The following PTCHD4 variants were observed in gnomAD, a reference collection of about 807,000 sequenced individuals.
PTCHD4 encodes patched domain-containing protein 4.
PTCHD4 carries 33 observed loss-of-function variants against 58.1 expected under a neutral mutation model. That is an observed-to-expected ratio of 0.57 (90% CI 0.43 to 0.76). The LOEUF is 0.76. PTCHD4 is among the 30% of genes least tolerant of loss of function. The pLI is 0.00. For missense variants in PTCHD4, 1,058 were observed against 1,027.1 expected, an observed-to-expected ratio of 1.03 and a Z score of -0.41; for synonymous variants, 478 against 409.6, an observed-to-expected ratio of 1.17 and a Z score of -2.02.
In PTCHD4 at chr6:47,876,373, C is replaced by A. The variant is rs1021110403; in HGVS notation, c.*1930G>T. Among the ~76,000 whole-genome samples the A allele has an allele frequency of 2.0e-5, 3 of 151,938 alleles. No individual in the cohort carries two copies. The highest frequency in any genetic ancestry group is 2.9e-5 in the Non-Finnish European group (2 of 67,950). ...ATTTCCTGTTGAAACCCAATTACCT[C>A]AAGGTAAAACAAAACAAACTCCATT... On this transcript the variant is annotated 3_prime_UTR_variant, in exon 5 of 5. Transcript: ENST00000339488.
chr6:47,892,574 A>C (rs1464030746), intron 4 of PTCHD4, among the ~76,000 whole-genome samples: 1 of 152,222 alleles, frequency 6.6e-6, no homozygotes, highest in Non-Finnish European at 1.5e-5. Flanking sequence ...ATGGATGCTG[A>C]CTTAGGATTT....
rs564839705 is a variant in PTCHD4, at chr6:48,046,581, T to G, written c.417+21649A>C. Among the ~76,000 whole-genome samples, 82 of 152,022 alleles carry G rather than the reference T, an allele frequency of 5.4e-4. 1 individual carries two copies. Among genetic ancestry groups the G allele is most frequent in the Admixed American group, 2.0e-3 (30 of 15,232 alleles). The stretch of plus-strand genomic sequence containing the variant: ...TCCATGGACCCTTATTTTAAACTTC[T>G]TCAGCAATTTCAGTTTTTATTCTAT... On this transcript the variant is annotated intron_variant, in intron 3 of 4. Transcript: ENST00000339488.
chr6:48,032,919 G>A (rs898803044), intron 3 of PTCHD4, among the ~76,000 whole-genome samples: 1 of 152,016 alleles, frequency 6.6e-6, no homozygotes, highest in African/African-American at 2.4e-5. Flanking sequence ...CTTGAAGGTG[G>A]AATCGGTGTT....
intron 4 of PTCHD4, among the ~76,000 whole-genome samples, 155 bp downstream of exon 4, chr6:48,008,479 T>C (rs1425002547): frequency 1.3e-5 from 2 of 152,150 alleles, no homozygotes; most frequent in Non-Finnish European, 2.9e-5. Context: ...AAAGGCCCAA[T>C]AAGGTGAAAC....
chr6:47,998,653 T>C (rs1009708650), intron 4 of PTCHD4, among the ~76,000 whole-genome samples: 1 of 152,148 alleles, frequency 6.6e-6, no homozygotes, highest in African/African-American at 2.4e-5. Context: ...CAGTGCTATA[T>C]AATAAAAAGT....
intron 3 of PTCHD4, among the ~76,000 whole-genome samples, chr6:48,014,514 C>T (rs1762799656): frequency 6.6e-6 from 1 of 152,014 alleles, no homozygotes; most frequent in African/African-American, 2.4e-5. Context: ...GGTAAAAGTT[C>T]CTTAGTTCAT....
rs114760342 is a variant in PTCHD4, at chr6:48,033,550, C to T, written c.418-24436G>A. Among the ~76,000 whole-genome samples the T allele has an allele frequency of 4.0e-3, 607 of 151,554 alleles. 7 individuals are homozygous for T. The highest frequency in any genetic ancestry group is 0.014 in the African/African-American group (565 of 41,300). ...TTTGTGGTGCTCACATTGCAAAAAA[C>T]GCCCCAGGCCATATGTATGGCCTTT... On this transcript the variant is annotated intron_variant, in intron 3 of 4. Transcript: ENST00000339488.
At chr6:48,076,781 G>A (rs751815568) in intron 1 of PTCHD4, among the ~76,000 whole-genome samples, 6 of 152,288 alleles carry the variant, frequency 3.9e-5, no homozygotes, top group African/African-American at 7.2e-5. Flanking sequence ...CCTTGTGCTC[G>A]GAATGAATTT....
At chr6:47,913,118 C>T (rs913343751) in intron 4 of PTCHD4, among the ~76,000 whole-genome samples, 18 of 152,068 alleles carry the variant, frequency 1.2e-4, no homozygotes, top group African/African-American at 4.1e-4. Context: ...CCAGTCCTGG[C>T]CCTACCCCAT....
At chr6:48,079,501 T>G (rs1320951423) in intron 1 of PTCHD4, among the ~76,000 whole-genome samples, 2 of 151,812 alleles carry the variant, frequency 1.3e-5, no homozygotes, top group Admixed American at 1.3e-4. Flanking sequence ...AAAACAACAA[T>G]AGAAGAGTAC....
intron 4 of PTCHD4, among the ~76,000 whole-genome samples, chr6:47,895,805 A>G (rs1338219638): frequency 6.6e-6 from 1 of 151,928 alleles, no homozygotes; most frequent in African/African-American, 2.4e-5. Flanking sequence ...ACATACCCAT[A>G]CTTCGAATAC....
chr6:47,927,085 C>T (rs1765648708), intron 4 of PTCHD4, among the ~76,000 whole-genome samples: 1 of 152,096 alleles, frequency 6.6e-6, no homozygotes, highest in African/African-American at 2.4e-5. Context: ...GACTGGGGAT[C>T]CCCCAAGTTC....
intron 4 of PTCHD4, among the ~76,000 whole-genome samples, chr6:47,895,470 C>A (rs1266902428): frequency 6.6e-6 from 1 of 152,182 alleles, no homozygotes; most frequent in Admixed American, 6.5e-5. Flanking sequence ...CTCTTTGATA[C>A]TCACTGAGAT....
rs988728749 is a variant in PTCHD4 at position 48,012,237 on chromosome 6, C to G, written c.418-3123G>C. 2.0e-4 allele frequency among the ~76,000 whole-genome samples: 31 copies of G among 152,052 alleles called. 1 individual carries two copies. The highest frequency in any genetic ancestry group is 7.2e-4 in the African/African-American group (30 of 41,404). ...GTTTTTCTATTTGTTTGTGTCCTCTCTTATTTCCTCGAGTGGTGGTTTGTA... is the reference window on the plus strand; with the variant it reads ...GTTTTTCTATTTGTTTGTGTCCTCTGTTATTTCCTCGAGTGGTGGTTTGTA... On this transcript the variant is annotated intron_variant, in intron 3 of 4. Coordinates refer to ENST00000339488, the MANE Select transcript of PTCHD4 (RefSeq NM_001384253.1).
At chr6:47,922,726 T>G (rs1765475250) in intron 4 of PTCHD4, among the ~76,000 whole-genome samples, 1 of 152,210 alleles carries the variant, frequency 6.6e-6, no homozygotes, top group South Asian at 2.1e-4. Flanking sequence ...TCAGCTCATC[T>G]GCAACAGGAC....
At chr6:47,983,927 T>C (rs866019295) in intron 4 of PTCHD4, among the ~76,000 whole-genome samples, 1 of 152,160 alleles carries the variant, frequency 6.6e-6, no homozygotes, top group Non-Finnish European at 1.5e-5. Flanking sequence ...ATATTACATA[T>C]GTAATATTTA....
chr6:48,037,338 G>T (rs1268946255), intron 3 of PTCHD4, among the ~76,000 whole-genome samples: 1 of 152,100 alleles, frequency 6.6e-6, no homozygotes, highest in East Asian at 1.9e-4. Context: ...GTATATACAG[G>T]GTTTGGTACT....
chr6:48,031,217 C>T (rs1192928253), intron 3 of PTCHD4, among the ~76,000 whole-genome samples: 1 of 152,082 alleles, frequency 6.6e-6, no homozygotes, highest in Non-Finnish European at 1.5e-5. Context: ...CCACCATTCA[C>T]CAGGTAATGT....
At chr6:48,064,024 C>T (rs989979486) in intron 3 of PTCHD4, among the ~76,000 whole-genome samples, 1 of 152,130 alleles carries the variant, frequency 6.6e-6, no homozygotes, top group Non-Finnish European at 1.5e-5. Flanking sequence ...TCTATCTTTG[C>T]TCTTATTTCA....
Sources: gnomAD v4.1 joint callset for allele counts (sites outside exome capture counted in the v4.1 genomes callset) on GRCh38, gnomAD v4.1.1 for gene constraint, MANE v1.5 for transcripts, NCBI Gene and HGNC (gene_info 2026-07-23, HGNC 2026-07-21) for gene names.